ARSG: variants seen among roughly 807,000 people sequenced by gnomAD.
ARSG encodes ASG.
ARSG carries 37 observed loss-of-function variants against 50.5 expected under a neutral mutation model. That is an observed-to-expected ratio of 0.73 (90% CI 0.56 to 0.96). The LOEUF is 0.96. ARSG is among the 50% of genes least tolerant of loss of function. The pLI, the probability that ARSG is intolerant of heterozygous loss-of-function variation, is 0.00. For missense variants in ARSG, 629 were observed against 675.3 expected, an observed-to-expected ratio of 0.93 and a Z score of 0.76; for synonymous variants, 225 against 254.6, an observed-to-expected ratio of 0.88 and a Z score of 1.11.
At chr17:68,372,197 C>T (rs1244397127) in intron 8 of ARSG, among the ~76,000 whole-genome samples, 1 of 152,146 alleles carries the variant, frequency 6.6e-6, no homozygotes, top group Non-Finnish European at 1.5e-5. Context: ...TACACACAAT[C>T]GCACCATTCT....
chr17:68,403,051 T>G (rs1183427399), intron 11 of ARSG, among the ~76,000 whole-genome samples: 1 of 152,196 alleles, frequency 6.6e-6, no homozygotes, highest in Non-Finnish European at 1.5e-5. Context: ...TTATTTTCCC[T>G]GAGTGTAAAT....
At chr17:68,299,066 C>A (rs1456038345) in intron 1 of ARSG, among the ~76,000 whole-genome samples, 6 of 149,408 alleles carry the variant, frequency 4.0e-5, no homozygotes, top group Admixed American at 4.0e-4. Flanking sequence ...GTTTCCTATT[C>A]TCATGCAAAA....
chr17:68,275,510 G>A (rs1056226701), intron 1 of ARSG, among the ~76,000 whole-genome samples: 2 of 151,856 alleles, frequency 1.3e-5, no homozygotes, highest in Non-Finnish European at 2.9e-5. Flanking sequence ...ATTATCTTCT[G>A]GTATAATAGT....
At chr17:68,297,430 C>G (rs1330261323) in intron 1 of ARSG, among the ~76,000 whole-genome samples, 1 of 152,184 alleles carries the variant, frequency 6.6e-6, no homozygotes, top group Non-Finnish European at 1.5e-5. Context: ...AAAATGTAAA[C>G]TGAAATCAGT....
intron 1 of ARSG, chr17:68,272,669 C>G (rs1391087136): frequency 1.9e-6 from 3 of 1,614,072 alleles, no homozygotes; most frequent in Middle Eastern, 1.6e-4. Flanking sequence ...GCGAAACATT[C>G]TCCTGTGGAA....
At chr17:68,266,114 C>T (rs2072528351) in intron 1 of ARSG, among the ~76,000 whole-genome samples, 1 of 152,124 alleles carries the variant, frequency 6.6e-6, no homozygotes, top group African/African-American at 2.4e-5. Context: ...TAGGCTTACT[C>T]TGGCTACCAT....
intron 6 of ARSG, among the ~76,000 whole-genome samples, chr17:68,357,946 A>G (rs886761484): frequency 9.9e-5 from 15 of 152,168 alleles, no homozygotes; most frequent in African/African-American, 3.4e-4. Flanking sequence ...GCTCATGCCT[A>G]TAATCCCAGC....
chr17:68,327,903 T>C (rs1184647213), intron 2 of ARSG, among the ~76,000 whole-genome samples: 1 of 152,122 alleles, frequency 6.6e-6, no homozygotes, highest in East Asian at 1.9e-4. Context: ...ATCATTTTGA[T>C]CCTGGGTGGC....
chr17:68,347,846 C>A (rs1016428342), intron 4 of ARSG, among the ~76,000 whole-genome samples: 3 of 152,216 alleles, frequency 2.0e-5, no homozygotes, highest in Non-Finnish European at 4.4e-5. Flanking sequence ...TGGCCCCTTC[C>A]TCTTCTGCCA....
intron 1 of ARSG, among the ~76,000 whole-genome samples, chr17:68,301,925 C>T (rs2076433070): frequency 6.6e-6 from 1 of 152,088 alleles, no homozygotes; most frequent in Admixed American, 6.6e-5. Flanking sequence ...TCCCAGACCA[C>T]CCCCTTTAAC....
intron 11 of ARSG, among the ~76,000 whole-genome samples, chr17:68,406,137 C>T (rs1034327872): frequency 1.7e-4 from 26 of 152,230 alleles, no homozygotes; most frequent in African/African-American, 6.0e-4. Context: ...TGAGAACATA[C>T]GATGTTTGGT....
At chr17:68,426,250 G>GGGGGGGGGGGGGT, downstream of ARSG, 4 of 828,058 alleles carry the variant, frequency 4.8e-6, 1 homozygote, top group South Asian at 1.3e-5. Flanking sequence ...GGTGGGGAGC[G>GGGGGGGGGGGGGT]GGGGCTCAAA....
rs143160105 is a variant in ARSG, at chr17:68,420,371, G to A, written c.1486G>A (p.Asp496Asn). Residue 496 changes from aspartate to asparagine, a missense_variant, in exon 12 of 12, where the codon GAC becomes AAC. Transcript: ENST00000621439. ...LADVLQDIANDNISSADYTQD... is the reference protein window; with the variant it reads ...LADVLQDIANNNISSADYTQD... ...AGACGTCCTCCAAGACATTGCCAACGACAACATCTCCAGCGCAGATTACAC... is the reference window on the plus strand; with the variant it reads ...AGACGTCCTCCAAGACATTGCCAACAACAACATCTCCAGCGCAGATTACAC... 9.0e-5 allele frequency: 145 copies of A among 1,614,122 alleles called. No individual in the cohort carries two copies. The highest frequency in any genetic ancestry group is 1.7e-4 in the Admixed American group (10 of 60,024).
Position 68,420,585 on chromosome 17 carries a change from GT to G in ARSG, c.*124del. The stretch of plus-strand genomic sequence containing the variant: ...TTTAGTCTTGGAGTTTAGTTTTGGA[GT>G]TAGCCTTGCATATCCCTTCTGTATC... On this transcript the variant is annotated 3_prime_UTR_variant, in exon 12 of 12. Transcript: ENST00000621439. 1 of 1,216,462 alleles carries G rather than the reference GT, an allele frequency of 8.2e-7. No individual in the cohort carries two copies. Among genetic ancestry groups the G allele is most frequent in the Non-Finnish European group, 1.2e-6 (1 of 859,032 alleles). 75.4% of individuals were successfully genotyped at this position (1,216,462 alleles called of 1,614,324 possible). A position where few individuals can be genotyped will look rare whatever the true frequency, so the allele number is the denominator to read the frequency against.
chr17:68,363,394 G>A (rs1599885264), intron 6 of ARSG, among the ~76,000 whole-genome samples: 2 of 152,164 alleles, frequency 1.3e-5, no homozygotes, highest in South Asian at 4.1e-4. Flanking sequence ...GATAGGGAAA[G>A]CTGCAAAGAC....
chr17:68,430,130 G>A, the ARSG span: 1 of 1,613,964 alleles, frequency 6.2e-7, no homozygotes, highest in Non-Finnish European at 8.5e-7. Flanking sequence ...TTCCCATGTA[G>A]CCACTCCAGG....
the ARSG span, among the ~76,000 whole-genome samples, chr17:68,448,740 T>C: frequency 3.3e-5 from 5 of 152,246 alleles, no homozygotes; most frequent in African/African-American, 4.8e-5. Flanking sequence ...TTTAACCTTG[T>C]ATACGGATTA....
At chr17:68,297,830 A>G (rs781810962) in intron 1 of ARSG, among the ~76,000 whole-genome samples, 3 of 152,102 alleles carry the variant, frequency 2.0e-5, no homozygotes, top group Non-Finnish European at 4.4e-5. Context: ...GTGTGTTCTC[A>G]TATTTATTAT....
intron 8 of ARSG, 128 bp from the exon 9 acceptor site, chr17:68,384,934 CAA>C (rs942870141): frequency 7.4e-6 from 5 of 678,920 alleles, no homozygotes; most frequent in Non-Finnish European, 1.3e-5. Context: ...AGCTGGTTAC[CAA>C]AAAAGTCATT....
Sources: gnomAD v4.1 joint callset for allele counts (sites outside exome capture counted in the v4.1 genomes callset) on GRCh38, gnomAD v4.1.1 for gene constraint, MANE v1.5 for transcripts, NCBI Gene and HGNC (gene_info 2026-07-23, HGNC 2026-07-21) for gene names.